ZBTB7C: variants seen among roughly 807,000 people sequenced by gnomAD.
ZBTB7C encodes the protein zinc finger and BTB domain-containing protein 7C.
Under a neutral mutation model 25.7 loss-of-function variants are expected in ZBTB7C, and 8 were observed. The observed-to-expected ratio is 0.31, with a 90% CI of 0.18 to 0.56. ZBTB7C has a LOEUF of 0.56. ZBTB7C is among the 20% of genes least tolerant of loss of function. The pLI is 0.91. For synonymous variants in ZBTB7C, 394 were observed against 369.0 expected (o/e 1.07, Z -0.78); for missense variants, 824 against 855.2 (o/e 0.96, Z 0.46).
At chr18:48,345,155 G>A (rs191133352) in intron 1 of ZBTB7C, among the ~76,000 whole-genome samples, 67 of 152,320 alleles carry the variant, frequency 4.4e-4, no homozygotes, top group Middle Eastern at 6.8e-3. Flanking sequence ...TATAGCAACA[G>A]GAAGACCTTG....
chr18:48,331,121 A>G (rs1954953142), intron 2 of ZBTB7C, among the ~76,000 whole-genome samples: 1 of 151,932 alleles, frequency 6.6e-6, no homozygotes, highest in Non-Finnish European at 1.5e-5. Context: ...ATCCCTGTGT[A>G]TTTTCATTGC....
chr18:48,293,311 A>G (rs1217984907), intron 2 of ZBTB7C, among the ~76,000 whole-genome samples: 1 of 152,162 alleles, frequency 6.6e-6, no homozygotes. Context: ...CTCTTTTTAC[A>G]AGAACATTCA....
intron 3 of ZBTB7C, among the ~76,000 whole-genome samples, chr18:48,117,986 T>TTTC (rs1274261756): frequency 9.9e-5 from 15 of 150,856 alleles, no homozygotes; most frequent in African/African-American, 2.0e-4. Context: ...TGATCAATCT[T>TTTC]TTCTTCTTCT....
intron 4 of ZBTB7C, among the ~76,000 whole-genome samples, chr18:48,033,047 C>A (rs938054726): frequency 6.6e-6 from 1 of 152,096 alleles, no homozygotes; most frequent in African/African-American, 2.4e-5. Flanking sequence ...TCTGGGAGTC[C>A]CTGTTGTAGC....
At chr18:48,151,690 G>A (rs186786503) in intron 3 of ZBTB7C, among the ~76,000 whole-genome samples, 2 of 152,288 alleles carry the variant, frequency 1.3e-5, no homozygotes, top group East Asian at 3.9e-4. Flanking sequence ...TCAGACAGGA[G>A]GGAAAAATCA....
At chr18:48,102,426 A>G (rs1232567014) in intron 3 of ZBTB7C, among the ~76,000 whole-genome samples, 1 of 152,072 alleles carries the variant, frequency 6.6e-6, no homozygotes, top group Non-Finnish European at 1.5e-5. Context: ...ATAGCCTAGT[A>G]TGGTAGTGCA....
chr18:48,215,259 A>G (rs2042795583), intron 2 of ZBTB7C, among the ~76,000 whole-genome samples: 1 of 152,182 alleles, frequency 6.6e-6, no homozygotes, highest in African/African-American at 2.4e-5. Context: ...CCAGCTTGGT[A>G]GGCTTACTCC....
intron 3 of ZBTB7C, among the ~76,000 whole-genome samples, chr18:48,092,697 C>T (rs916560573): frequency 6.6e-6 from 1 of 152,196 alleles, no homozygotes; most frequent in Non-Finnish European, 1.5e-5. Flanking sequence ...GGAACCCTAA[C>T]CACTAGACTC....
At chr18:48,380,074 T>A (rs1681054166) in intron 1 of ZBTB7C, among the ~76,000 whole-genome samples, 1 of 152,202 alleles carries the variant, frequency 6.6e-6, no homozygotes, top group Non-Finnish European at 1.5e-5. Context: ...AAATTGTTTT[T>A]AAATCATTTA....
intron 2 of ZBTB7C, among the ~76,000 whole-genome samples, chr18:48,213,891 T>C (rs971065342): frequency 1.3e-5 from 2 of 152,144 alleles, no homozygotes; most frequent in Non-Finnish European, 2.9e-5. Context: ...GCTGTCAAAA[T>C]GTAGGGCTGG....
rs1274691416 is a variant in ZBTB7C at position 48,388,107 on chromosome 18, G to A, written c.-304+21119C>T. ...CTCCCAAAGCGCTGGGATTACAGGC[G>A]TTAGCCACTGCACCTGGCCTCTGTA... On this transcript the variant is annotated intron_variant, in intron 1 of 4. Transcript: ENST00000590800. Among the ~76,000 whole-genome samples, 8 of 152,224 alleles carry A rather than the reference G, an allele frequency of 5.3e-5. No homozygotes were observed. The South Asian group carries it at 6.2e-4, about 12-fold the overall frequency.
chr18:48,179,808 T>TTTCCTTCCTTCC (rs143452520), intron 3 of ZBTB7C, among the ~76,000 whole-genome samples: 10 of 101,904 alleles, frequency 9.8e-5, no homozygotes, highest in South Asian at 3.3e-4. Context: ...TCCTTCCTTA[T>TTTCCTTCCTTCC]TTCCTTCCTT....
intron 1 of ZBTB7C, among the ~76,000 whole-genome samples, chr18:48,402,749 C>T (rs921849372): frequency 2.6e-5 from 4 of 151,952 alleles, no homozygotes; most frequent in South Asian, 2.1e-4. Context: ...TGTATATGTG[C>T]GCATGTTGCT....
At chr18:48,255,444 A>G (rs1052367142) in intron 2 of ZBTB7C, among the ~76,000 whole-genome samples, 1 of 152,232 alleles carries the variant, frequency 6.6e-6, no homozygotes, top group South Asian at 2.1e-4. Context: ...CAGTAGGCCC[A>G]ACAGACCAAA....
chr18:48,215,415 G>A (rs1354413629), intron 2 of ZBTB7C, among the ~76,000 whole-genome samples: 1 of 152,188 alleles, frequency 6.6e-6, no homozygotes, highest in Non-Finnish European at 1.5e-5. Context: ...GGTTTTATGT[G>A]TTTTAGCGAG....
At chr18:48,173,422 C>T (rs2041560817) in intron 3 of ZBTB7C, among the ~76,000 whole-genome samples, 1 of 152,222 alleles carries the variant, frequency 6.6e-6, no homozygotes, top group Admixed American at 6.5e-5. Context: ...CCAAACTCCT[C>T]CCAGCCCACC....
intron 2 of ZBTB7C, among the ~76,000 whole-genome samples, chr18:48,313,968 TCTC>T (rs1285592308): frequency 1.3e-5 from 2 of 152,116 alleles, no homozygotes; most frequent in East Asian, 3.9e-4. Flanking sequence ...ACCACCCCCT[TCTC>T]CTTCTTGCTC....
chr18:48,060,569 G>A (rs2037091063), intron 3 of ZBTB7C, among the ~76,000 whole-genome samples: 1 of 152,014 alleles, frequency 6.6e-6, no homozygotes, highest in Admixed American at 6.6e-5. Flanking sequence ...GCCTGGCCTT[G>A]CCCATTCCGC....
chr18:48,295,597 C>T (rs945825506), intron 2 of ZBTB7C, among the ~76,000 whole-genome samples: 3 of 151,890 alleles, frequency 2.0e-5, no homozygotes, highest in Non-Finnish European at 4.4e-5. Context: ...TTGACCCACC[C>T]GCTGCCACAC....
Sources: allele counts gnomAD v4.1 joint callset (sites outside exome capture counted in the v4.1 genomes callset), GRCh38; gene constraint gnomAD v4.1.1; transcripts MANE v1.5; gene names NCBI Gene and HGNC (gene_info 2026-07-23, HGNC 2026-07-21).